UGGT1: variants seen among roughly 807,000 people sequenced by gnomAD.
The protein encoded by UGGT1 is UDP-glucose:glycoprotein glucosyltransferase 1.
Under a neutral mutation model 203.9 loss-of-function variants are expected in UGGT1, and 107 were observed. The observed-to-expected ratio is 0.52, with a 90% CI of 0.45 to 0.62. The LOEUF is 0.62. Ranked by LOEUF, UGGT1 falls within the 20% of genes least tolerant of loss-of-function variation. The probability of loss-of-function intolerance (pLI) is 0.00; values close to 1 mark genes in which losing one functional copy is unlikely to be tolerated. For missense variants in UGGT1, 1,673 were observed against 1,867.2 expected (o/e 0.90, Z 1.92); for synonymous variants, 628 against 653.5 (o/e 0.96, Z 0.59).
Position 128,121,286 on chromosome 2 carries a change from C to T in UGGT1, c.1061C>T (p.Pro354Leu). 1 of 1,610,236 alleles carries T rather than the reference C, an allele frequency of 6.2e-7. No individual in the cohort carries two copies. The highest frequency in any genetic ancestry group is 8.5e-7 in the Non-Finnish European group (1 of 1,178,656). Reference protein sequence around the residue: ...VVMKDLSQNFPTKARAITKTA... With the variant: ...VVMKDLSQNFLTKARAITKTA... ...ATGAAGGATCTTAGTCAGAATTTTC[C>T]TACCAAAGCCAGGTAATGTAGAATA... Residue 354 changes from proline (P) to leucine (L), a missense_variant, in exon 10 of 41, where the codon CCT (proline) becomes CTT (leucine). This residue lies in a region of UGGT1 where 1,073 missense variants were observed against 1,078.7 expected (regional missense o/e 0.99). Coordinates refer to ENST00000259253, the MANE Select transcript of UGGT1 (RefSeq NM_020120.4).
At chr2:128,102,057 A>G (rs1404671098) in intron 2 of UGGT1, among the ~76,000 whole-genome samples, 2 of 152,212 alleles carry the variant, frequency 1.3e-5, no homozygotes, top group Non-Finnish European at 2.9e-5. Context: ...ATTTAAGTAC[A>G]ATAACCACCA....
chr2:128,112,207 G>C (rs1265738239), intron 5 of UGGT1, among the ~76,000 whole-genome samples: 1 of 147,056 alleles, frequency 6.8e-6, no homozygotes, highest in African/African-American at 2.5e-5. Flanking sequence ...GATCACCTGA[G>C]GTCAGGAGTT....
chr2:128,145,659 T>A (rs969114782), intron 17 of UGGT1, 144 bp from the exon 18 acceptor site: 4 of 810,616 alleles, frequency 4.9e-6, no homozygotes, highest in East Asian at 6.2e-5. Context: ...TTCATTTTTT[T>A]AAAAAGAAAT....
intron 10 of UGGT1, among the ~76,000 whole-genome samples, chr2:128,121,712 T>G (rs576843728): frequency 1.1e-4 from 17 of 152,216 alleles, no homozygotes; most frequent in African/African-American, 3.8e-4. Context: ...TGGCGAAAAT[T>G]AAGATTCTTT....
At chr2:128,118,132 T>C (rs1205030753) in intron 8 of UGGT1, among the ~76,000 whole-genome samples, 2 of 152,156 alleles carry the variant, frequency 1.3e-5, no homozygotes, top group African/African-American at 4.8e-5. Flanking sequence ...AGAAGAGATA[T>C]CTTAGTTTAC....
intron 8 of UGGT1, among the ~76,000 whole-genome samples, chr2:128,117,434 G>A (rs1688159561): frequency 6.6e-6 from 1 of 151,904 alleles, no homozygotes; most frequent in Admixed American, 6.6e-5. Flanking sequence ...GAAAGGAAAT[G>A]GTATTTTAAA....
chr2:128,163,709 G>A (rs1355641209), intron 25 of UGGT1, among the ~76,000 whole-genome samples: 15 of 126,524 alleles, frequency 1.2e-4, no homozygotes, highest in Middle Eastern at 3.9e-3. Context: ...GTGAGACTCC[G>A]TCTCAAAAAA....
chr2:128,170,278 G>T lies in UGGT1; in HGVS notation c.2922-10G>T. On this transcript the variant is annotated splice_polypyrimidine_tract_variant and intron_variant, in intron 26 of 40. Transcript: ENST00000259253. ...CTCCAGGTTAATGTTTTATCCTTGTGATCTTTCAGTGCAATCAAACTGAGG... is the reference window on the plus strand; with the variant it reads ...CTCCAGGTTAATGTTTTATCCTTGTTATCTTTCAGTGCAATCAAACTGAGG... 1 of 1,613,260 alleles carries T rather than the reference G, an allele frequency of 6.2e-7. No individual in the cohort carries two copies. The highest frequency in any genetic ancestry group is 8.5e-7 in the Non-Finnish European group (1 of 1,179,272).
At chr2:128,142,253 C>G (rs951283167) in intron 16 of UGGT1, among the ~76,000 whole-genome samples, 3 of 150,178 alleles carry the variant, frequency 2.0e-5, no homozygotes, top group African/African-American at 7.3e-5. Context: ...TTAGATTTTT[C>G]TTAACTAATA....
At position 128,120,357 on chromosome 2, in the gene UGGT1, G is replaced by A. The variant is rs753974200; in HGVS notation, c.874G>A (p.Asp292Asn). 3.1e-6 allele frequency: 5 copies of A among 1,612,790 alleles called. No homozygotes were observed. Among genetic ancestry groups the A allele is most frequent in the East Asian group, 2.2e-5 (1 of 44,848 alleles). ...VQGFLFGKLRDLHPDLEGQLK... is the reference protein window; with the variant it reads ...VQGFLFGKLRNLHPDLEGQLK... ...GACTGATTTTTATGTTTCTTTTAGA[G>A]ATCTGCACCCCGACCTGGAGGGACA... The change falls in exon 9 of 41, where the codon GAT (aspartate) becomes AAT (asparagine). Residue 292 changes from aspartate to asparagine, a missense_variant and splice_region_variant. Asp to Asn is a conservative substitution (Grantham distance 23, BLOSUM62 1). Around this residue, in one of 4 missense-constraint regions of UGGT1, gnomAD observed 1,073 missense variants for 1,078.7 expected, o/e 0.99. Coordinates refer to ENST00000259253, the MANE Select transcript of UGGT1 (RefSeq NM_020120.4).
intron 2 of UGGT1, among the ~76,000 whole-genome samples, chr2:128,098,097 A>G (rs1041041781): frequency 2.0e-5 from 3 of 152,132 alleles, no homozygotes; most frequent in African/African-American, 7.2e-5. Context: ...CCTTAGCCTC[A>G]TGTGATCTGC....
chr2:128,184,757 C>G (rs1691885104), intron 38 of UGGT1, among the ~76,000 whole-genome samples: 1 of 151,722 alleles, frequency 6.6e-6, no homozygotes, highest in African/African-American at 2.4e-5. Flanking sequence ...GTTGCACTCA[C>G]TGCAACCTCC....
Position 128,186,722 on chromosome 2 carries a change from T to G in UGGT1, c.4399T>G (p.Ser1467Ala), listed in dbSNP as rs1260318636. The G allele has an allele frequency of 6.2e-7, 1 of 1,613,594 alleles. No homozygotes were observed. The highest frequency in any genetic ancestry group is 8.5e-7 in the Non-Finnish European group (1 of 1,179,752). Reference sequence around the variant, plus strand: ...CATGATTCATCAGGTGCCAATTAAATCCCTCCCTCAAGAATGGCTTTGGTG... The same window carrying G: ...CATGATTCATCAGGTGCCAATTAAAGCCCTCCCTCAAGAATGGCTTTGGTG... ...NNMIHQVPIK[S>A]LPQEWLWCET... The change falls in exon 39 of 41, where the codon TCC becomes GCC. Residue 1467 changes from serine to alanine, a missense_variant. This residue lies in a region of UGGT1 where 513 missense variants were observed against 684.1 expected (regional missense o/e 0.75). Transcript: ENST00000259253.
At chr2:128,100,086 G>T (rs976340792) in intron 2 of UGGT1, among the ~76,000 whole-genome samples, 2 of 128,298 alleles carry the variant, frequency 1.6e-5, no homozygotes, top group Non-Finnish European at 3.0e-5. Flanking sequence ...CTGGAGTTCA[G>T]TGGCGCCATC....
intron 11 of UGGT1, among the ~76,000 whole-genome samples, chr2:128,123,538 T>C (rs1688476291): frequency 1.3e-5 from 2 of 152,222 alleles, no homozygotes; most frequent in African/African-American, 4.8e-5. Context: ...CTGATATTTC[T>C]CTCCAGAATT....
At position 128,189,882 on chromosome 2, in the gene UGGT1, T is replaced by A; in HGVS notation, c.*140T>A. The A allele has an allele frequency of 2.2e-6, 2 of 909,496 alleles. No homozygotes were observed. The highest frequency in any genetic ancestry group is 3.4e-6 in the Non-Finnish European group (2 of 591,176). 56.3% of individuals were successfully genotyped at this position (909,496 alleles called of 1,614,324 possible). On this transcript the variant is annotated 3_prime_UTR_variant, in exon 41 of 41. Coordinates refer to ENST00000259253, the MANE Select transcript of UGGT1 (RefSeq NM_020120.4). ...CACCTTTTGATTCTGAGCATTTGAT[T>A]CTGACTTCTGTACTCTGGTGGCCAC...
chr2:128,161,352 A>G (rs1690521768), intron 25 of UGGT1, 84 bp downstream of exon 25: 25 of 1,471,704 alleles, frequency 1.7e-5, no homozygotes, highest in South Asian at 1.0e-4. Context: ...GTTGTTACTC[A>G]TACTACATAT....
intron 10 of UGGT1, 103 bp downstream of exon 10, chr2:128,121,401 G>GATT: frequency 1.1e-4 from 51 of 463,166 alleles, no homozygotes; most frequent in Middle Eastern, 4.5e-4. Flanking sequence ...AGAAAATTAA[G>GATT]ATTCTTTTTT....
chr2:128,163,066 G>A (rs1274061343), intron 25 of UGGT1, among the ~76,000 whole-genome samples: 1 of 152,150 alleles, frequency 6.6e-6, no homozygotes, highest in Non-Finnish European at 1.5e-5. Flanking sequence ...AAGCTTGGCT[G>A]TGTATACTTT....
Sources: gnomAD v4.1 joint callset for allele counts (sites outside exome capture counted in the v4.1 genomes callset) on GRCh38, gnomAD v4.1.1 for gene constraint, gnomAD v4.1.1 regional missense constraint, MANE v1.5 for transcripts, NCBI Gene and HGNC (gene_info 2026-07-23, HGNC 2026-07-21) for gene names.